Variants in LONRF2 observed in about 807,000 individuals in gnomAD.
LONRF2 encodes LON peptidase N-terminal domain and RING finger protein 2.
A neutral mutation model predicts 66.6 loss-of-function variants in LONRF2; 35 were observed. The observed-to-expected ratio is 0.53, with a 90% CI of 0.40 to 0.70. LONRF2 has a LOEUF of 0.70. Among genes scored for constraint, LONRF2 ranks in the 30% least tolerant of loss-of-function variants. The pLI is 0.00. For synonymous variants in LONRF2, 417 were observed against 418.1 expected (o/e 1.00, Z 0.03); for missense variants, 902 against 1,002.1 (o/e 0.90, Z 1.35).
At chr2:100,309,892 C>T (rs959226686) in intron 1 of LONRF2, among the ~76,000 whole-genome samples, 2 of 152,098 alleles carry the variant, frequency 1.3e-5, no homozygotes, top group African/African-American at 4.8e-5. Flanking sequence ...AGGCTGGTGT[C>T]AAACTCCCGA....
intron 11 of LONRF2, among the ~76,000 whole-genome samples, chr2:100,285,135 C>A (rs1174095305): frequency 6.6e-6 from 1 of 152,208 alleles, no homozygotes; most frequent in Non-Finnish European, 1.5e-5. Flanking sequence ...GATATCCAGG[C>A]CTTTTTGTTT....
intron 1 of LONRF2, among the ~76,000 whole-genome samples, chr2:100,319,819 A>G (rs995865563): frequency 2.0e-5 from 3 of 152,186 alleles, no homozygotes; most frequent in African/African-American, 7.2e-5. Flanking sequence ...ATCTAATTGC[A>G]CATTCTTTTG....
rs139163180 is a variant in LONRF2 at position 100,274,730 on chromosome 2, A to G, written c.*9568T>C. The G allele has an allele frequency of 4.7e-3, 711 of 152,842 alleles. 8 individuals carry two copies. The highest frequency in any genetic ancestry group is 0.016 in the African/African-American group (668 of 41,556). The allele number at this position is 152,842 out of a possible 1,614,324, so 9.5% of individuals were successfully genotyped here. On this transcript the variant is annotated 3_prime_UTR_variant, in exon 12 of 12. Coordinates refer to ENST00000393437, the MANE Select transcript of LONRF2 (RefSeq NM_198461.4). ...CTGCCCAAGACATTCAAACCTGCCA[A>G]TCCTACACTCTGCCCCCGCCCATCT... is the stretch of plus-strand genomic sequence containing the variant.
intron 1 of LONRF2, among the ~76,000 whole-genome samples, chr2:100,309,953 G>A (rs563242245): frequency 3.3e-5 from 5 of 152,298 alleles, no homozygotes; most frequent in African/African-American, 1.2e-4. Context: ...GATTACAGGT[G>A]TGAGCCACCA....
chr2:100,302,957 A>T lies in LONRF2; in HGVS notation c.885T>A (p.Asn295Lys). Reference sequence around the variant, plus strand: ...CTTTCTTCACAGAGTTACATTCAGGATTCAGAGCAAGGCAGTAGAGAAATT... The same window carrying T: ...CTTTCTTCACAGAGTTACATTCAGGTTTCAGAGCAAGGCAGTAGAGAAATT... ...LKEFLYCLAL[N>K]PECNSVKKEA... The change falls in exon 3 of 12, where the codon AAT (asparagine) becomes AAA (lysine). Residue 295 changes from asparagine (N) to lysine (K), a missense_variant. By Grantham distance (94) the Asn-to-Lys change is moderately conservative. Coordinates refer to ENST00000393437, the MANE Select transcript of LONRF2 (RefSeq NM_198461.4). The T allele has an allele frequency of 6.2e-7, 1 of 1,611,176 alleles. No homozygotes were observed.
intron 1 of LONRF2, among the ~76,000 whole-genome samples, chr2:100,315,154 G>A (rs1393768688): frequency 6.6e-6 from 1 of 152,196 alleles, no homozygotes; most frequent in East Asian, 1.9e-4. Context: ...GTATTGAAAT[G>A]AAATTTTCAG....
At chr2:100,303,385 A>C (rs1675226189) in intron 2 of LONRF2, among the ~76,000 whole-genome samples, 1 of 152,240 alleles carries the variant, frequency 6.6e-6, no homozygotes, top group African/African-American at 2.4e-5. Flanking sequence ...CCTGGCTTCC[A>C]GGAGTTTACA....
At chr2:100,284,526 A>C (rs1267414144) in intron 11 of LONRF2, 34 bp from the exon 12 acceptor site, 1 of 1,482,650 alleles carries the variant, frequency 6.7e-7, no homozygotes. Flanking sequence ...CAAGGTTAAC[A>C]CTGGAAATGC....
chr2:100,314,617 A>G (rs1027739359), intron 1 of LONRF2, among the ~76,000 whole-genome samples: 2 of 152,110 alleles, frequency 1.3e-5, no homozygotes, highest in African/African-American at 4.8e-5. Flanking sequence ...TTTGTGTCTT[A>G]TTTAAGAAAC....
chr2:100,309,272 AAAC>A (rs1675362907), intron 1 of LONRF2, 47 bp from the exon 2 acceptor site: 1 of 1,218,058 alleles, frequency 8.2e-7, no homozygotes, highest in Non-Finnish European at 1.2e-6. Context: ...CTGCATTTAA[AAAC>A]AAGTAATCTT....
At chr2:100,294,106 G>A in intron 9 of LONRF2, 123 bp downstream of exon 9, 2 of 1,133,752 alleles carry the variant, frequency 1.8e-6, no homozygotes, top group Non-Finnish European at 2.5e-6. Flanking sequence ...CTTGAACTTG[G>A]ACTTTGTTAC....
In LONRF2 at chr2:100,303,026, A is replaced by G. The variant is rs2105727685; in HGVS notation, c.816T>C (p.Ala272=). The change falls in exon 3 of 12, where the codon GCT becomes GCC. Residue 272 remains alanine (A), a synonymous_variant. Transcript: ENST00000393437. ...TTCTTCCCAATCCAGAAAGAGCCTG[A>G]GCTTTTACTTGATGTCCCTAGATTC... ...PLLIKGHQVK[A]QALSGLGRSK... is the part of the protein sequence containing the mutation. The G allele has an allele frequency of 6.2e-7, 1 of 1,607,724 alleles. No individual in the cohort carries two copies. Among genetic ancestry groups the G allele is most frequent in the Non-Finnish European group, 8.5e-7 (1 of 1,176,722 alleles).
intron 1 of LONRF2, among the ~76,000 whole-genome samples, chr2:100,312,816 A>G (rs1014350601): frequency 2.6e-4 from 40 of 152,266 alleles, no homozygotes; most frequent in Non-Finnish European, 2.4e-4. Context: ...CTAAGGATTA[A>G]ACCTTAGGCT....
chr2:100,291,514 C>T (rs1674959177), intron 9 of LONRF2, among the ~76,000 whole-genome samples: 1 of 152,008 alleles, frequency 6.6e-6, no homozygotes, highest in Non-Finnish European at 1.5e-5. Flanking sequence ...AAGCAGTCCC[C>T]GGCCACTGCC....
At chr2:100,304,925 C>T (rs1675262928) in intron 2 of LONRF2, among the ~76,000 whole-genome samples, 1 of 151,930 alleles carries the variant, frequency 6.6e-6, no homozygotes, top group African/African-American at 2.4e-5. Context: ...GCCACTGCAC[C>T]CAGCCTCCAT....
Position 100,295,414 on chromosome 2 carries a change from C to T in LONRF2, c.1598+18G>A, listed in dbSNP as rs777962506. 3.7e-6 allele frequency: 6 copies of T among 1,607,464 alleles called. No homozygotes were observed. The East Asian group carries it at 1.1e-4, about 30-fold the overall frequency. ...CAATCTGAACTTAAGACCAAGGACA[C>T]ACAACATGAGCACTTACTTTGACAG... On this transcript the variant is annotated intron_variant, in intron 8 of 11. Coordinates refer to ENST00000393437, the MANE Select transcript of LONRF2 (RefSeq NM_198461.4).
In LONRF2 at chr2:100,309,237, G is replaced by C; in HGVS notation, c.680-12C>G. 6.5e-7 allele frequency: 1 copy of C among 1,544,464 alleles called. No homozygotes were observed. The highest frequency in any genetic ancestry group is 8.8e-7 in the Non-Finnish European group (1 of 1,132,442). ...ATTATCATCAGGAGCTGAAAGACAG[G>C]AGGAATACAAATCAATAAAAATGAC... On this transcript the variant is annotated splice_polypyrimidine_tract_variant and intron_variant, in intron 1 of 11. Coordinates refer to ENST00000393437, the MANE Select transcript of LONRF2 (RefSeq NM_198461.4).
Position 100,274,053 on chromosome 2 carries a change from A to G in LONRF2, c.*10245T>C, listed in dbSNP as rs1365632596. 2.6e-5 allele frequency: 4 copies of G among 152,182 alleles called. No individual in the cohort carries two copies. The highest frequency in any genetic ancestry group is 4.4e-5 in the Non-Finnish European group (3 of 68,030). The allele number at this position is 152,182 out of a possible 1,614,324, so 9.4% of individuals were successfully genotyped here. A position where few individuals can be genotyped will look rare whatever the true frequency, so the allele number is the denominator to read the frequency against. ...GGTAAATAACGAAGGCCCCAATGCA[A>G]TTTTTGAAAATGATCCCTGAAAAGC... On this transcript the variant is annotated 3_prime_UTR_variant, in exon 12 of 12. Transcript: ENST00000393437.
chr2:100,298,240 G>T (rs990735044), intron 7 of LONRF2, among the ~76,000 whole-genome samples: 1 of 152,166 alleles, frequency 6.6e-6, no homozygotes, highest in African/African-American at 2.4e-5. Context: ...ACTCTTCATT[G>T]TATTTACCAT....
Sources: gnomAD v4.1 joint callset for allele counts (sites outside exome capture counted in the v4.1 genomes callset) on GRCh38, gnomAD v4.1.1 for gene constraint, MANE v1.5 for transcripts, NCBI Gene and HGNC (gene_info 2026-07-23, HGNC 2026-07-21) for gene names.